The following CSMD1 variants were observed in gnomAD, a reference collection of about 807,000 sequenced individuals.
CSMD1 encodes the protein CUB and sushi domain-containing protein 1.
CSMD1 carries 213 observed loss-of-function variants against 417.5 expected under a neutral mutation model. The observed-to-expected ratio is 0.51, with a 90% CI of 0.46 to 0.57. The LOEUF is 0.57. CSMD1 is among the 20% of genes least tolerant of loss of function. The pLI, the probability that CSMD1 is intolerant of heterozygous loss-of-function variation, is 0.00. For missense variants in CSMD1, 6,923 were observed against 4,529.7 expected (o/e 1.53, Z -15.17); for synonymous variants, 2,862 against 1,736.8 (o/e 1.65, Z -16.11).
At chr8:4,073,690 G>A (rs542545518) in intron 3 of CSMD1, among the ~76,000 whole-genome samples, 3 of 152,194 alleles carry the variant, frequency 2.0e-5, no homozygotes, top group African/African-American at 4.8e-5. Context: ...TTATTTCTAA[G>A]TAACTCACCA....
chr8:3,358,287 T>C (rs1167726610), intron 21 of CSMD1, among the ~76,000 whole-genome samples: 1 of 152,212 alleles, frequency 6.6e-6, no homozygotes, highest in Non-Finnish European at 1.5e-5. Flanking sequence ...CTCCCTTTTT[T>C]CTTCACAATG....
intron 5 of CSMD1, among the ~76,000 whole-genome samples, chr8:3,899,952 G>C (rs1807618323): frequency 6.6e-6 from 1 of 152,380 alleles, no homozygotes; most frequent in East Asian, 1.9e-4. Context: ...CCCATGGGAA[G>C]GGTAGTTGCT....
At chr8:3,851,540 G>A (rs561046858) in intron 5 of CSMD1, among the ~76,000 whole-genome samples, 41 of 152,332 alleles carry the variant, frequency 2.7e-4, no homozygotes, top group African/African-American at 8.9e-4. Context: ...CCTGAAAGGT[G>A]AGCCTCTGCA....
intron 3 of CSMD1, among the ~76,000 whole-genome samples, chr8:4,247,395 T>G (rs945751967): frequency 6.6e-6 from 1 of 152,162 alleles, no homozygotes; most frequent in Non-Finnish European, 1.5e-5. Flanking sequence ...GTAGAATTGG[T>G]TGCATCTCCA....
At chr8:3,307,313 C>T (rs893122893) in intron 25 of CSMD1, among the ~76,000 whole-genome samples, 1 of 151,978 alleles carries the variant, frequency 6.6e-6, no homozygotes, top group African/African-American at 2.4e-5. Context: ...TCCCAACCAT[C>T]CCAGCTGAGG....
chr8:3,022,737 G>A (rs542691387), intron 51 of CSMD1, among the ~76,000 whole-genome samples: 1 of 151,642 alleles, frequency 6.6e-6, no homozygotes, highest in East Asian at 1.9e-4. Context: ...TAAACAGCTG[G>A]CAAGAGAATG....
chr8:4,344,721 T>A (rs1188053497), intron 3 of CSMD1, among the ~76,000 whole-genome samples: 2 of 152,116 alleles, frequency 1.3e-5, no homozygotes, highest in Admixed American at 1.3e-4. Context: ...TATCCATCAT[T>A]GAGCAAAAGA....
chr8:4,051,880 C>CT lies in CSMD1; in HGVS notation c.416-19782dup, dbSNP rs61550073. On this transcript the variant is annotated intron_variant, in intron 3 of 69. Coordinates refer to ENST00000635120, the MANE Select transcript of CSMD1 (RefSeq NM_033225.6). The stretch of plus-strand genomic sequence containing the variant: ...TCTTTCTTTCTTTCCTTCCTCCTTT[C>CT]TTCCTTCCTTCCTTCCTTCCTTCCT... Among the ~76,000 whole-genome samples the CT allele has an allele frequency of 9.2e-3, 386 of 41,802 alleles. 3 individuals are homozygous for CT. Among genetic ancestry groups the CT allele is most frequent in the African/African-American group, 0.042 (371 of 8,832 alleles). 27.4% of individuals were successfully genotyped at this position (41,802 alleles called of 152,430 possible).
intron 3 of CSMD1, among the ~76,000 whole-genome samples, chr8:4,165,795 C>A (rs1189883108): frequency 1.3e-5 from 2 of 152,206 alleles, no homozygotes; most frequent in Non-Finnish European, 2.9e-5. Context: ...GTTGTCACTC[C>A]AGCCGCATTA....
chr8:4,612,549 G>A (rs150831093), intron 2 of CSMD1, among the ~76,000 whole-genome samples: 248 of 152,188 alleles, frequency 1.6e-3, no homozygotes, highest in African/African-American at 5.8e-3. Context: ...TCTCCACACC[G>A]AGGAACTGGA....
intron 3 of CSMD1, among the ~76,000 whole-genome samples, chr8:4,119,992 G>C (rs1444289078): frequency 2.0e-5 from 3 of 152,098 alleles, no homozygotes; most frequent in African/African-American, 4.8e-5. Context: ...CCTAGTATTT[G>C]ATAGCACAAT....
chr8:4,830,229 C>A (rs991499647), intron 1 of CSMD1, among the ~76,000 whole-genome samples: 8 of 152,168 alleles, frequency 5.3e-5, no homozygotes, highest in African/African-American at 1.7e-4. Flanking sequence ...TCAGCCTCAC[C>A]TCAACCCTAT....
intron 2 of CSMD1, among the ~76,000 whole-genome samples, chr8:4,514,077 TTA>T (rs1802977646): frequency 1.3e-5 from 2 of 152,188 alleles, no homozygotes; most frequent in East Asian, 3.9e-4. Flanking sequence ...TTTTATTTTA[TTA>T]TTATTATTAT....
At position 4,618,038 on chromosome 8, in the gene CSMD1, A is replaced by G. The variant is rs540397961; in HGVS notation, c.302+19304T>C. Among the ~76,000 whole-genome samples the G allele has an allele frequency of 2.6e-5, 4 of 152,308 alleles. No individual in the cohort carries two copies. The East Asian group carries it at 7.7e-4, about 29-fold the overall frequency. ...CAGTTTTACTTTAGAGATCACTTAG[A>G]ATATGCACTATGGTGACAGGTCACT... On this transcript the variant is annotated intron_variant, in intron 2 of 69. Transcript: ENST00000635120.
chr8:4,000,161 C>G (rs1186912534), intron 4 of CSMD1, among the ~76,000 whole-genome samples: 1 of 152,076 alleles, frequency 6.6e-6, no homozygotes, highest in Admixed American at 6.6e-5. Flanking sequence ...CAACTGAGAA[C>G]AAGCTGCACA....
rs1802288469 is a variant in CSMD1 at position 4,118,471 on chromosome 8, G to A, written c.416-86372C>T. Among the ~76,000 whole-genome samples, 2 of 69,534 alleles carry A rather than the reference G, an allele frequency of 2.9e-5. 1 individual carries two copies. Among genetic ancestry groups the A allele is most frequent in the Non-Finnish European group, 5.5e-5 (2 of 36,622 alleles). 45.6% of individuals were successfully genotyped at this position (69,534 alleles called of 152,430 possible). On this transcript the variant is annotated intron_variant, in intron 3 of 69. Coordinates refer to ENST00000635120, the MANE Select transcript of CSMD1 (RefSeq NM_033225.6). ...CTTCTCAAAAGAAGACATTTATGCA[G>A]CCAGCAAACATATAGAAAAAAGCTC...
intron 3 of CSMD1, among the ~76,000 whole-genome samples, chr8:4,195,671 G>A (rs763440963): frequency 6.6e-6 from 1 of 152,186 alleles, no homozygotes; most frequent in Non-Finnish European, 1.5e-5. Context: ...TGATGAAGCA[G>A]AGGCTGTGTT....
chr8:3,799,460 C>G (rs1298244632), intron 5 of CSMD1, among the ~76,000 whole-genome samples: 1 of 140,536 alleles, frequency 7.1e-6, no homozygotes, highest in East Asian at 2.1e-4. Context: ...AGTGTTCTCA[C>G]TGTTCAGTTC....
intron 3 of CSMD1, among the ~76,000 whole-genome samples, chr8:4,083,203 A>G (rs926097041): frequency 6.6e-6 from 1 of 152,228 alleles, no homozygotes; most frequent in South Asian, 2.1e-4. Flanking sequence ...GACTTCCACA[A>G]TGGTTGAACT....
Sources: gnomAD v4.1 joint callset for allele counts (sites outside exome capture counted in the v4.1 genomes callset) on GRCh38, gnomAD v4.1.1 for gene constraint, MANE v1.5 for transcripts, NCBI Gene and HGNC (gene_info 2026-07-23, HGNC 2026-07-21) for gene names.